CDK12: variants seen among roughly 807,000 people sequenced by gnomAD.
The protein encoded by CDK12 is cyclin dependent kinase 12.
Under a neutral mutation model 133.8 loss-of-function variants are expected in CDK12, and 17 were observed. The observed-to-expected ratio is 0.13, with a 90% CI of 0.09 to 0.19. The LOEUF is 0.19. Among genes scored for constraint, CDK12 ranks in the 10% least tolerant of loss-of-function variants. The pLI is 1.00. For synonymous variants in CDK12, 694 were observed against 683.6 expected (o/e 1.02, Z -0.24); for missense variants, 1,508 against 1,818.7 (o/e 0.83, Z 3.11).
intron 1 of CDK12, among the ~76,000 whole-genome samples, chr17:39,541,029 C>T (rs1597658916): frequency 1.3e-5 from 2 of 152,202 alleles, no homozygotes; most frequent in Admixed American, 6.5e-5. Context: ...GATATGGTGT[C>T]GCCTCCCACC....
At chr17:39,555,866 C>CTT (rs1478732413) in intron 2 of CDK12, among the ~76,000 whole-genome samples, 1 of 147,476 alleles carries the variant, frequency 6.8e-6, no homozygotes, top group African/African-American at 2.5e-5. Context: ...CACACACACA[C>CTT]ACACACACAC....
At chr17:39,526,385 A>G (rs766188384) in intron 13 of CDK12, 69 bp downstream of exon 13, 13 of 1,245,572 alleles carry the variant, frequency 1.0e-5, no homozygotes, top group Non-Finnish European at 1.3e-5. Context: ...ATCTCTTAAC[A>G]TTTTTTTTCC....
chr17:39,541,635 G>A (rs1047292569), intron 1 of CDK12, among the ~76,000 whole-genome samples: 3 of 152,190 alleles, frequency 2.0e-5, no homozygotes, highest in South Asian at 2.1e-4. Flanking sequence ...GATTACAGGC[G>A]TGAGCCACCG....
chr17:39,550,393 A>G (rs183068238), exon 1 of CDK12: 26 of 152,346 alleles, frequency 1.7e-4, no homozygotes, highest in African/African-American at 6.3e-4. Context: ...GATTGGAACT[A>G]TACTGGTTGA....
downstream of CDK12, among the ~76,000 whole-genome samples, chr17:39,538,091 A>T (rs528616633): frequency 1.3e-5 from 2 of 152,352 alleles, no homozygotes; most frequent in East Asian, 3.9e-4. Context: ...CATTTTCTGT[A>T]GGGAAACTAG....
intron 9 of CDK12, among the ~76,000 whole-genome samples, chr17:39,516,323 T>C (rs2053801000): frequency 6.6e-6 from 1 of 152,066 alleles, no homozygotes; most frequent in South Asian, 2.1e-4. Flanking sequence ...TTTTTTTCAA[T>C]AAAATTAAAG....
intron 3 of CDK12, chr17:39,556,825 G>C (rs1011272068): frequency 3.3e-5 from 5 of 152,062 alleles, no homozygotes; most frequent in African/African-American, 1.2e-4. Flanking sequence ...GAGGAGGGAG[G>C]GGGCAATGAC....
Position 39,517,956 on chromosome 17 carries a change from A to G in CDK12, c.2963+400A>G, listed in dbSNP as rs2053916380. Among the ~76,000 whole-genome samples, 6 of 149,982 alleles carry G rather than the reference A, an allele frequency of 4.0e-5. No homozygotes were observed. The South Asian group carries it at 1.3e-3, about 32-fold the overall frequency. On this transcript the variant is annotated intron_variant, in intron 10 of 13. Coordinates refer to ENST00000447079, the MANE Select transcript of CDK12 (RefSeq NM_016507.4). ...CAGCCTTGACCTGCTGGGCTCAAGC[A>G]ATCCTCCCACCTTAGCCTTCATTTT...
intron 13 of CDK12, among the ~76,000 whole-genome samples, chr17:39,528,523 C>T (rs142327693): frequency 0.011 from 1,635 of 150,676 alleles, 26 homozygotes; most frequent in African/African-American, 0.037. Context: ...TTAGTAGAGA[C>T]GGGGTTTCAC....
At chr17:39,505,297 C>T (rs976359987) in intron 6 of CDK12, among the ~76,000 whole-genome samples, 13 of 149,960 alleles carry the variant, frequency 8.7e-5, no homozygotes, top group Admixed American at 4.0e-4. Flanking sequence ...GAGGCCAAGG[C>T]GGGCAGATCA....
intron 6 of CDK12, among the ~76,000 whole-genome samples, chr17:39,504,035 G>A (rs1178403348): frequency 2.0e-5 from 3 of 152,178 alleles, no homozygotes. Flanking sequence ...CACTAGTAGG[G>A]ATGGACTCGG....
chr17:39,496,063 C>T (rs2052086154), intron 5 of CDK12, among the ~76,000 whole-genome samples: 1 of 151,810 alleles, frequency 6.6e-6, no homozygotes, highest in South Asian at 2.1e-4. Flanking sequence ...AGGCATGTGC[C>T]ACCACTCCCG....
chr17:39,537,173 C>T (rs920878536), downstream of CDK12, among the ~76,000 whole-genome samples: 7 of 152,102 alleles, frequency 4.6e-5, no homozygotes, highest in East Asian at 1.9e-4. Context: ...CTGATGGACT[C>T]TCTAGGAGGG....
At position 39,470,877 on chromosome 17, in the gene CDK12, A is replaced by C. The variant is rs138292741; in HGVS notation, c.1047-2A>C. The stretch of plus-strand genomic sequence containing the variant: ...TTTAAAACTGGCTTTTTATTTTTCC[A>C]GTAGGAAATCCATGAAGTCCAGAAG... On this transcript the variant is annotated splice_acceptor_variant, in intron 1 of 13. Transcript: ENST00000447079. LOFTEE classifies it high-confidence loss of function. 5.7e-6 allele frequency: 9 copies of C among 1,589,856 alleles called. No individual in the cohort carries two copies. The highest frequency in any genetic ancestry group is 1.9e-5 in the Admixed American group (1 of 53,040).
Position 39,530,682 on chromosome 17 carries a change from C to A in CDK12, c.3839C>A (p.Pro1280His). 1.9e-6 allele frequency: 3 copies of A among 1,613,782 alleles called. No individual in the cohort carries two copies. The highest frequency in any genetic ancestry group is 2.5e-6 in the Non-Finnish European group (3 of 1,179,790). ...PGPPPPPPPP[P>H]LVEGDLSSAP... ...CCTCCACCGCCGCCACCTCCACCCC[C>A]TCTGGTTGAAGGCGATCTTTCCAGC... is the stretch of plus-strand genomic sequence containing the variant. Residue 1280 changes from proline (P) to histidine (H), a missense_variant, in exon 14 of 14, where the codon CCT (proline) becomes CAT (histidine). By Grantham distance (77) the Pro-to-His change is moderately conservative (BLOSUM62 -2). Coordinates refer to ENST00000447079, the MANE Select transcript of CDK12 (RefSeq NM_016507.4).
chr17:39,494,735 C>A (rs2145917749), intron 5 of CDK12, 41 bp downstream of exon 5: 5 of 1,273,312 alleles, frequency 3.9e-6, no homozygotes, highest in African/African-American at 1.5e-5. Flanking sequence ...TAGACTGGTC[C>A]AATCTTTGCC....
chr17:39,463,909 G>A (rs2049117774), intron 1 of CDK12, among the ~76,000 whole-genome samples: 1 of 151,934 alleles, frequency 6.6e-6, no homozygotes, highest in Admixed American at 6.6e-5. Context: ...CTTGTTCCTA[G>A]GTAATGAGAT....
chr17:39,526,722 G>A (rs895416760), intron 13 of CDK12, among the ~76,000 whole-genome samples: 7 of 152,196 alleles, frequency 4.6e-5, no homozygotes, highest in Admixed American at 1.3e-4. Flanking sequence ...CTCTAGTGGA[G>A]TGGATGCTGA....
chr17:39,465,638 A>G (rs1393851349), intron 1 of CDK12, among the ~76,000 whole-genome samples: 1 of 151,760 alleles, frequency 6.6e-6, no homozygotes, highest in African/African-American at 2.4e-5. Context: ...ACAAGCGCCC[A>G]CCATCACATC....
Sources: gnomAD v4.1 joint callset for allele counts (sites outside exome capture counted in the v4.1 genomes callset) on GRCh38, gnomAD v4.1.1 for gene constraint, MANE v1.5 for transcripts, NCBI Gene and HGNC (gene_info 2026-07-23, HGNC 2026-07-21) for gene names.